Variants in ADGRE2 observed in about 807,000 individuals in gnomAD.
ADGRE2 encodes the protein adhesion G protein-coupled receptor E2.
ADGRE2 carries 83 observed loss-of-function variants against 100.8 expected under a neutral mutation model. The ratio of observed to expected loss-of-function variants is 0.82; its 90% CI spans 0.69 to 0.99. The LOEUF is 0.99. Among genes scored for constraint, ADGRE2 ranks in the 50% least tolerant of loss-of-function variants. The pLI is 0.00. For synonymous variants in ADGRE2, 355 were observed against 413.0 expected (o/e 0.86, Z 1.70); for missense variants, 814 against 1,035.7 (o/e 0.79, Z 2.94).
chr19:14,770,219 C>T (rs2044147185), intron 5 of ADGRE2, among the ~76,000 whole-genome samples: 2 of 152,002 alleles, frequency 1.3e-5, no homozygotes, highest in Admixed American at 1.3e-4. Flanking sequence ...GAGTTCTCGC[C>T]TTGTTAGTTC....
intron 11 of ADGRE2, 120 bp from the exon 12 acceptor site, chr19:14,756,465 G>C: frequency 1.4e-6 from 1 of 694,846 alleles, no homozygotes; most frequent in Non-Finnish European, 2.5e-6. Context: ...ACAAAATATC[G>C]GAAGAGAATA....
intron 20 of ADGRE2, chr19:14,741,890 G>T: frequency 7.6e-6 from 3 of 397,138 alleles, no homozygotes; most frequent in Non-Finnish European, 1.3e-5. Flanking sequence ...GAAGAGGTGA[G>T]AAAAATACAA....
chr19:14,760,274 C>G (rs543729890), intron 11 of ADGRE2, among the ~76,000 whole-genome samples: 1 of 152,112 alleles, frequency 6.6e-6, no homozygotes, highest in Non-Finnish European at 1.5e-5. Flanking sequence ...CTGACTTGAT[C>G]GTTACACATT....
At chr19:14,732,108 A>G (rs755085814), downstream of ADGRE2, 2 of 152,126 alleles carry the variant, frequency 1.3e-5, no homozygotes, top group Non-Finnish European at 2.9e-5. Flanking sequence ...GTTTCTCTCA[A>G]TTTAGCATTA....
At chr19:14,777,581 G>T (rs1362690157) in intron 1 of ADGRE2, among the ~76,000 whole-genome samples, 5 of 151,960 alleles carry the variant, frequency 3.3e-5, no homozygotes, top group Non-Finnish European at 7.4e-5. Flanking sequence ...TGCCATGTTG[G>T]CTTGCTGCAC....
rs923591343 is a variant in ADGRE2 at position 14,751,582 on chromosome 19, G to A, written c.1878C>T (p.Leu626=). Residue 626 remains leucine (L), a synonymous_variant, in exon 16 of 21, where the codon CTC becomes CTT. Transcript: ENST00000315576. The part of the protein sequence containing the change: ...WMLLEALYLF[L]TARNLTVVNY... ...TGACCACCGTCAGGTTCCGTGCAGT[G>A]AGGAAGAGGTACAGGGCCTCCAGCA... 1 of 1,613,964 alleles carries A rather than the reference G, an allele frequency of 6.2e-7. No individual in the cohort carries two copies. The highest frequency in any genetic ancestry group is 8.5e-7 in the Non-Finnish European group (1 of 1,180,028).
chr19:14,756,810 T>C (rs1479698026), intron 11 of ADGRE2, among the ~76,000 whole-genome samples: 1 of 152,080 alleles, frequency 6.6e-6, no homozygotes, highest in Non-Finnish European at 1.5e-5. Context: ...AATAAAATTA[T>C]AGACCAATAT....
At position 14,752,389 on chromosome 19, in the gene ADGRE2, C is replaced by G; in HGVS notation, c.1728G>C (p.Ser576=). ...NTSTSLHLQL[S]LCLFLAHLLF... ...GGAGGTGGGCCAGGAAGAGGCAGAG[C>G]GAGAGCTGCAGATGCAGTGAGGTGC... The change falls in exon 15 of 21, where the codon TCG becomes TCC. Residue 576 remains serine, a synonymous_variant. Coordinates refer to ENST00000315576, the MANE Select transcript of ADGRE2 (RefSeq NM_013447.4). 1 of 1,614,078 alleles carries G rather than the reference C, an allele frequency of 6.2e-7. No individual in the cohort carries two copies.
At chr19:14,755,408 G>A (rs8107029) in intron 13 of ADGRE2, among the ~76,000 whole-genome samples, 66,225 of 151,922 alleles carry the variant, frequency 0.44, 15,580 homozygotes, top group African/African-American at 0.6. Flanking sequence ...AGCTGAGATC[G>A]TGCCACTGCA....
chr19:14,731,739 T>A (rs1238667231), downstream of ADGRE2: 2 of 152,412 alleles, frequency 1.3e-5, no homozygotes, highest in East Asian at 3.8e-4. Flanking sequence ...AACTCTTGTT[T>A]ATCTTTGGGT....
chr19:14,772,444 A>C lies in ADGRE2; in HGVS notation c.253T>G (p.Cys85Gly). The part of the protein sequence containing the change: ...SKVSCGKFSD[C>G]WNTEGSYDCV... ...TCGTAGCTCCCCTCTGTGTTCCAGC[A>C]GTCCGAGAATTTTCCGCATGACACT... is the stretch of plus-strand genomic sequence containing the variant. The change falls in exon 5 of 21, where the codon TGC (cysteine) becomes GGC (glycine). Residue 85 changes from cysteine (C) to glycine (G), a missense_variant. Cys to Gly is a radical substitution (Grantham distance 159). Transcript: ENST00000315576. 6 of 1,614,082 alleles carry C rather than the reference A, an allele frequency of 3.7e-6. No homozygotes were observed. The highest frequency in any genetic ancestry group is 5.1e-6 in the Non-Finnish European group (6 of 1,180,026).
At position 14,762,077 on chromosome 19, in the gene ADGRE2, C is replaced by T. The variant is rs148847358; in HGVS notation, c.1084+2356G>A. ...TCAGGTATTACCCCAGAAAACAACA[C>T]CACTTCACTTGGGAATATGTTCTCA... On this transcript the variant is annotated intron_variant, in intron 11 of 20. Transcript: ENST00000315576. 6.2e-3 allele frequency among the ~76,000 whole-genome samples: 937 copies of T among 152,228 alleles called. 8 individuals carry two copies. The highest frequency in any genetic ancestry group is 0.021 in the African/African-American group (865 of 41,528).
chr19:14,746,222 T>G lies in ADGRE2; in HGVS notation c.2183+10A>C, dbSNP rs1400635690. ...TGTCTGTGTGGTTATCACCCCCTTC[T>G]CCATCTTACCTTGTGTTCCGGAGGG... On this transcript the variant is annotated intron_variant, in intron 18 of 20. Coordinates refer to ENST00000315576, the MANE Select transcript of ADGRE2 (RefSeq NM_013447.4). 1.5e-5 allele frequency: 23 copies of G among 1,535,320 alleles called. No homozygotes were observed. The Admixed American group carries it at 3.9e-4, about 26-fold the overall frequency.
rs1701831002 is a variant in ADGRE2, at chr19:14,759,510, T to TTC, written c.1085-3166_1085-3165insGA. Among the ~76,000 whole-genome samples, 11 of 149,030 alleles carry TTC rather than the reference T, an allele frequency of 7.4e-5. No individual in the cohort carries two copies. The South Asian group carries it at 2.3e-3, about 31-fold the overall frequency. On this transcript the variant is annotated intron_variant, in intron 11 of 20. Transcript: ENST00000315576. ...ATACATATATATATATATATTTTTT[T>TTC]TTTTTAGACGGAGTCTCACTCTGTC...
intron 12 of ADGRE2, 116 bp from the exon 13 acceptor site, chr19:14,755,993 C>A: frequency 1.2e-6 from 1 of 850,386 alleles, no homozygotes. Flanking sequence ...CCTTTGGCTT[C>A]ACCCCTCCCA....
chr19:14,762,929 C>T (rs1022802545), intron 11 of ADGRE2, among the ~76,000 whole-genome samples: 5 of 152,112 alleles, frequency 3.3e-5, no homozygotes, highest in African/African-American at 9.7e-5. Flanking sequence ...CAGGTGTGAG[C>T]GCCTGGCATT....
intron 4 of ADGRE2, 129 bp from the exon 5 acceptor site, chr19:14,772,626 T>G (rs924677155): frequency 3.6e-6 from 4 of 1,098,340 alleles, no homozygotes; most frequent in Non-Finnish European, 5.3e-6. Context: ...CAAGTTGCAC[T>G]GCACAGGCTA....
rs561264281 is a variant in ADGRE2 at position 14,759,184 on chromosome 19, G to C, written c.1085-2839C>G. ...GTGGTTGACAAAGATAAAGGAAGAG[G>C]GAGCCCCCACGTTGAACATGTCGGG... On this transcript the variant is annotated intron_variant, in intron 11 of 20. Transcript: ENST00000315576. Among the ~76,000 whole-genome samples, 23 of 152,176 alleles carry C rather than the reference G, an allele frequency of 1.5e-4. No homozygotes were observed. In the South Asian group the frequency reaches 4.8e-3, roughly 32 times the overall value.
At chr19:14,746,373 C>CTTT in intron 17 of ADGRE2, 50 bp from the exon 18 acceptor site, 3 of 940,970 alleles carry the variant, frequency 3.2e-6, no homozygotes, top group South Asian at 1.5e-5. Context: ...AACCTGTTAT[C>CTTT]TCTTTTTTTT....
Sources: allele counts gnomAD v4.1 joint callset (sites outside exome capture counted in the v4.1 genomes callset), GRCh38; gene constraint gnomAD v4.1.1; transcripts MANE v1.5; gene names NCBI Gene and HGNC (gene_info 2026-07-23, HGNC 2026-07-21).